The following ULK4 variants were observed in gnomAD, a reference collection of about 807,000 sequenced individuals.
ULK4 encodes inactive serine/threonine-protein kinase ULK4.
In ULK4, 133 loss-of-function variants were observed where a neutral mutation model predicts 160.6. The ratio of observed to expected loss-of-function variants is 0.83; its 90% CI spans 0.72 to 0.96. The LOEUF is 0.96. Ranked by LOEUF, ULK4 falls within the 40% of genes least tolerant of loss-of-function variation. The pLI is 0.00. For missense variants in ULK4, 1,580 were observed against 1,499.5 expected (o/e 1.05, Z -0.89); for synonymous variants, 534 against 539.8 (o/e 0.99, Z 0.15).
chr3:41,365,863 A>G (rs1007633552), intron 35 of ULK4, among the ~76,000 whole-genome samples: 4 of 152,214 alleles, frequency 2.6e-5, no homozygotes, highest in African/African-American at 7.2e-5. Flanking sequence ...ACTTAAAAAA[A>G]AAAGTTAAGA....
chr3:41,608,116 T>G (rs2032475413), intron 31 of ULK4, among the ~76,000 whole-genome samples: 1 of 152,190 alleles, frequency 6.6e-6, no homozygotes, highest in Non-Finnish European at 1.5e-5. Flanking sequence ...TGTATCAGTC[T>G]TTTTTCCAAT....
At chr3:41,791,687 ACTT>A (rs565229755) in intron 20 of ULK4, among the ~76,000 whole-genome samples, 127 of 152,086 alleles carry the variant, frequency 8.4e-4, no homozygotes, top group South Asian at 3.3e-3. Context: ...TATATTAGAT[ACTT>A]TTTTACTTGT....
intron 5 of ULK4, among the ~76,000 whole-genome samples, chr3:41,928,636 T>C (rs1337542239): frequency 7.1e-6 from 1 of 141,528 alleles, no homozygotes; most frequent in Non-Finnish European, 1.6e-5. Flanking sequence ...ACAAACACAA[T>C]AAAAAATGAT....
At chr3:41,477,886 T>C (rs1243204030) in intron 32 of ULK4, among the ~76,000 whole-genome samples, 1 of 152,202 alleles carries the variant, frequency 6.6e-6, no homozygotes, top group Non-Finnish European at 1.5e-5. Flanking sequence ...CTGAATCATC[T>C]CAGTGTAAGA....
rs184969754 is a variant in ULK4 at position 41,492,240 on chromosome 3, T to C, written c.3227-28987A>G. The stretch of plus-strand genomic sequence containing the variant: ...AGCATGATTTATAGTCCTTTGGGTA[T>C]ATACCCAGCAATGGGATGGCTGGGA... On this transcript the variant is annotated intron_variant, in intron 32 of 36. Transcript: ENST00000301831. Among the ~76,000 whole-genome samples the C allele has an allele frequency of 1.8e-3, 271 of 152,324 alleles. 1 individual carries two copies. The highest frequency in any genetic ancestry group is 3.1e-3 in the Non-Finnish European group (214 of 68,028).
At chr3:41,587,607 T>C (rs1036852754) in intron 31 of ULK4, among the ~76,000 whole-genome samples, 1 of 152,208 alleles carries the variant, frequency 6.6e-6, no homozygotes, top group Non-Finnish European at 1.5e-5. Context: ...CTTAGTTCCC[T>C]CAATTCCCAG....
chr3:41,482,178 C>T (rs2084352243), intron 32 of ULK4, among the ~76,000 whole-genome samples: 1 of 152,192 alleles, frequency 6.6e-6, no homozygotes, highest in Non-Finnish European at 1.5e-5. Flanking sequence ...ATCAGGACCC[C>T]TTTCTGGTAA....
At chr3:41,558,772 G>A (rs1351910298) in intron 32 of ULK4, among the ~76,000 whole-genome samples, 4 of 151,442 alleles carry the variant, frequency 2.6e-5, no homozygotes, top group Admixed American at 6.6e-5. Flanking sequence ...GTGGGCGGGG[G>A]GAAATTAGAA....
intron 7 of ULK4, among the ~76,000 whole-genome samples, chr3:41,917,763 T>C (rs935548219): frequency 2.0e-5 from 3 of 152,006 alleles, no homozygotes; most frequent in Non-Finnish European, 2.9e-5. Context: ...GGGTGGATCA[T>C]GACATCAGGA....
chr3:41,713,036 G>C (rs557521025), intron 25 of ULK4, among the ~76,000 whole-genome samples: 11 of 151,630 alleles, frequency 7.3e-5, no homozygotes, highest in Admixed American at 4.6e-4. Context: ...CTGTGGATTG[G>C]GCTACAGAAC....
At chr3:41,527,429 T>C (rs2086157274) in intron 32 of ULK4, among the ~76,000 whole-genome samples, 1 of 152,278 alleles carries the variant, frequency 6.6e-6, no homozygotes, top group African/African-American at 2.4e-5. Context: ...TTAGATTTTG[T>C]CACAACTGTA....
intron 27 of ULK4, among the ~76,000 whole-genome samples, chr3:41,689,842 G>A (rs2036226569): frequency 6.6e-6 from 1 of 150,616 alleles, no homozygotes; most frequent in East Asian, 1.9e-4. Flanking sequence ...CACTGTTGGT[G>A]GGACTGTAAA....
chr3:41,771,724 G>T (rs1259743787), intron 21 of ULK4, among the ~76,000 whole-genome samples: 1 of 152,022 alleles, frequency 6.6e-6, no homozygotes, highest in Non-Finnish European at 1.5e-5. Context: ...CTTCCCCAGA[G>T]ATCCTCGAAA....
intron 21 of ULK4, chr3:41,767,011 A>C (rs1384815218): frequency 6.6e-6 from 1 of 152,240 alleles, no homozygotes; most frequent in Non-Finnish European, 1.5e-5. Context: ...GCTAACTGTG[A>C]AATATGTTCA....
At chr3:41,381,432 A>G (rs2081649907) in intron 35 of ULK4, among the ~76,000 whole-genome samples, 1 of 152,140 alleles carries the variant, frequency 6.6e-6, no homozygotes, top group African/African-American at 2.4e-5. Flanking sequence ...TTCCAGATGG[A>G]TGTTCAACAG....
intron 34 of ULK4, among the ~76,000 whole-genome samples, chr3:41,446,284 T>C (rs2083295397): frequency 6.6e-6 from 1 of 152,192 alleles, no homozygotes; most frequent in South Asian, 2.1e-4. Flanking sequence ...GGTGGGAATG[T>C]AAACTAGTTC....
intron 16 of ULK4, among the ~76,000 whole-genome samples, chr3:41,892,227 T>C (rs1020949097): frequency 2.0e-5 from 3 of 152,152 alleles, no homozygotes; most frequent in East Asian, 3.8e-4. Flanking sequence ...AGTTCAAAAA[T>C]TGGCAAATGA....
chr3:41,838,274 T>A (rs1257026082), intron 17 of ULK4, among the ~76,000 whole-genome samples: 3 of 152,200 alleles, frequency 2.0e-5, no homozygotes, highest in African/African-American at 7.2e-5. Flanking sequence ...CTAAATTATC[T>A]TTCGTAGTTG....
intron 32 of ULK4, among the ~76,000 whole-genome samples, chr3:41,545,182 C>CAA (rs35110546): frequency 3.2e-4 from 48 of 151,736 alleles, no homozygotes; most frequent in Non-Finnish European, 6.5e-4. Flanking sequence ...TACAGAGTAA[C>CAA]AAAAAAAAGG....
Sources: gnomAD v4.1 joint callset for allele counts (sites outside exome capture counted in the v4.1 genomes callset) on GRCh38, gnomAD v4.1.1 for gene constraint, MANE v1.5 for transcripts, NCBI Gene and HGNC (gene_info 2026-07-23, HGNC 2026-07-21) for gene names.